ELAVL1: variants seen among roughly 807,000 people sequenced by gnomAD.
ELAVL1 encodes the protein ELAV-like protein 1.
A neutral mutation model predicts 28.4 loss-of-function variants in ELAVL1; 1 was observed. The observed-to-expected ratio is 0.04, with a 90% CI of 0.01 to 0.17. ELAVL1 has a LOEUF of 0.17. Among genes scored for constraint, ELAVL1 ranks in the 10% least tolerant of loss-of-function variants. ELAVL1 has a pLI of 1.00. For synonymous variants in ELAVL1, 174 were observed against 183.5 expected (o/e 0.95, Z 0.42); for missense variants, 157 against 447.2 (o/e 0.35, Z 5.85).
chr19:7,994,143 AC>A (rs1358498822), intron 1 of ELAVL1, among the ~76,000 whole-genome samples: 1 of 152,256 alleles, frequency 6.6e-6, no homozygotes. Context: ...GGCATCACAG[AC>A]CTAGACGAAG....
chr19:8,001,258 AC>A (rs1477952471), intron 1 of ELAVL1, among the ~76,000 whole-genome samples: 4 of 151,980 alleles, frequency 2.6e-5, no homozygotes, highest in African/African-American at 9.7e-5. Context: ...CTCTCTTCAA[AC>A]CGCCTCCGCC....
intron 5 of ELAVL1, among the ~76,000 whole-genome samples, chr19:7,964,586 G>C (rs1010189360): frequency 6.6e-6 from 1 of 152,076 alleles, no homozygotes; most frequent in Non-Finnish European, 1.5e-5. Context: ...CGGAATCCCA[G>C]GACTTTGAGA....
chr19:7,995,323 C>T (rs752520411), intron 1 of ELAVL1, among the ~76,000 whole-genome samples: 4 of 152,208 alleles, frequency 2.6e-5, no homozygotes, highest in Non-Finnish European at 2.9e-5. Flanking sequence ...CTTTCCTTCT[C>T]CTCGCCCTTT....
chr19:7,971,647 C>T (rs762966723), intron 4 of ELAVL1, among the ~76,000 whole-genome samples: 3 of 152,342 alleles, frequency 2.0e-5, no homozygotes, highest in Non-Finnish European at 4.4e-5. Context: ...GGCAGAATGG[C>T]GGCGGCCGTG....
At chr19:7,973,935 G>C in intron 3 of ELAVL1, 57 bp from the exon 4 acceptor site, 1 of 1,594,330 alleles carries the variant, frequency 6.3e-7, no homozygotes, top group Non-Finnish European at 8.6e-7. Flanking sequence ...AAGCATTGAG[G>C]AGGGTGTTGA....
intron 1 of ELAVL1, among the ~76,000 whole-genome samples, chr19:7,994,390 T>C (rs1985826423): frequency 6.6e-6 from 1 of 152,222 alleles, no homozygotes; most frequent in African/African-American, 2.4e-5. Context: ...AACCAAGAAT[T>C]ATCTAACCCC....
intron 1 of ELAVL1, 143 bp from the exon 2 acceptor site, chr19:7,991,974 T>C: frequency 1.4e-6 from 1 of 694,756 alleles, no homozygotes; most frequent in Non-Finnish European, 2.1e-6. Context: ...AGAGTCTCAC[T>C]CTGTCACCCA....
At chr19:8,000,919 C>G (rs1171477915) in intron 1 of ELAVL1, among the ~76,000 whole-genome samples, 1 of 152,258 alleles carries the variant, frequency 6.6e-6, no homozygotes, top group Non-Finnish European at 1.5e-5. Flanking sequence ...TCTGGCTGGT[C>G]AAGGCCAAAG....
chr19:7,963,226 A>G lies in ELAVL1; in HGVS notation c.*257T>C. On this transcript the variant is annotated 3_prime_UTR_variant, in exon 6 of 6. Transcript: ENST00000407627. The surrounding 1 kb of genome is among the most constrained non-coding windows in gnomAD (Gnocchi z 4.5). ...TCCAGAGGGACTGGTTAGTCAATGC[A>G]GTTCTACTTAGATTTCTGTTTAATA... 2.1e-6 allele frequency: 1 copy of G among 466,044 alleles called. No individual in the cohort carries two copies. The highest frequency in any genetic ancestry group is 2.6e-5 in the South Asian group (1 of 37,962). The allele number at this position is 466,044 out of a possible 1,614,324, so 28.9% of individuals were successfully genotyped here. A position where few individuals can be genotyped will look rare whatever the true frequency, so the allele number is the denominator to read the frequency against.
At chr19:8,004,028 G>A (rs2081078486) in intron 1 of ELAVL1, among the ~76,000 whole-genome samples, 1 of 152,310 alleles carries the variant, frequency 6.6e-6, no homozygotes, top group South Asian at 2.1e-4. Context: ...TAGTGCATGA[G>A]ACTGGTCACA....
intron 1 of ELAVL1, among the ~76,000 whole-genome samples, chr19:8,003,237 A>C (rs1470753426): frequency 6.6e-6 from 1 of 151,198 alleles, no homozygotes; most frequent in Non-Finnish European, 1.5e-5. Context: ...AAAATGCAAA[A>C]AATTAGCTGG....
intron 1 of ELAVL1, among the ~76,000 whole-genome samples, chr19:7,993,612 C>T (rs534808800): frequency 1.3e-4 from 20 of 152,272 alleles, no homozygotes; most frequent in African/African-American, 4.3e-4. Context: ...ATGCCGAGCC[C>T]GCCCTGCTGA....
At chr19:8,001,909 G>T in intron 1 of ELAVL1, 2 of 481,540 alleles carry the variant, frequency 4.2e-6, no homozygotes, top group South Asian at 1.7e-5. Flanking sequence ...AGCAGTCCCA[G>T]TCCTGACCCT....
At chr19:7,985,746 C>G (rs1168221976) in intron 2 of ELAVL1, among the ~76,000 whole-genome samples, 11 of 152,256 alleles carry the variant, frequency 7.2e-5, no homozygotes, top group Non-Finnish European at 1.5e-4. Context: ...AGGAGACTGG[C>G]AGGGAGGAAT....
chr19:7,998,821 G>T (rs1022154265), intron 1 of ELAVL1, among the ~76,000 whole-genome samples: 1 of 152,056 alleles, frequency 6.6e-6, no homozygotes, highest in African/African-American at 2.4e-5. Context: ...TTTCTTTTGA[G>T]AAAGGGTCTT....
intron 1 of ELAVL1, among the ~76,000 whole-genome samples, chr19:7,999,252 A>G (rs1467983965): frequency 6.6e-6 from 1 of 152,240 alleles, no homozygotes; most frequent in East Asian, 1.9e-4. Flanking sequence ...GCATGCCTGT[A>G]GTACCAGCTA....
intron 1 of ELAVL1, among the ~76,000 whole-genome samples, chr19:7,997,858 G>C (rs1170027230): frequency 6.6e-6 from 1 of 152,060 alleles, no homozygotes; most frequent in African/African-American, 2.4e-5. Context: ...GGCTCAGCTG[G>C]GAGGATCACT....
At chr19:7,991,909 G>T in intron 1 of ELAVL1, 78 bp from the exon 2 acceptor site, 7 of 1,099,362 alleles carry the variant, frequency 6.4e-6, no homozygotes, top group Non-Finnish European at 6.2e-6. Flanking sequence ...AACTGCATTT[G>T]CACTTAGAGA....
intron 1 of ELAVL1, among the ~76,000 whole-genome samples, chr19:7,999,022 C>T (rs1009249443): frequency 6.6e-6 from 1 of 152,216 alleles, no homozygotes; most frequent in African/African-American, 2.4e-5. Context: ...CCTGGGCCTC[C>T]CAAAGTGCTG....
Sources: allele counts gnomAD v4.1 joint callset (sites outside exome capture counted in the v4.1 genomes callset), GRCh38; gene constraint gnomAD v4.1.1; non-coding constraint Gnocchi (gnomAD v3.1); transcripts MANE v1.5; gene names NCBI Gene and HGNC (gene_info 2026-07-23, HGNC 2026-07-21).